Variants in CSMD2 observed in about 807,000 individuals in gnomAD.
CSMD2 encodes the protein CUB and sushi domain-containing protein 2.
In CSMD2, 130 loss-of-function variants were observed where a neutral mutation model predicts 398.5. That is an observed-to-expected ratio of 0.33 (90% CI 0.28 to 0.38). The LOEUF is 0.38. Among genes scored for constraint, CSMD2 ranks in the 10% least tolerant of loss-of-function variants. CSMD2 has a pLI of 1.00. For missense variants in CSMD2, 3,829 were observed against 4,764.9 expected (o/e 0.80, Z 5.78); for synonymous variants, 1,828 against 1,908.5 (o/e 0.96, Z 1.10).
At chr1:34,032,038 T>A (rs971206895) in intron 3 of CSMD2, among the ~76,000 whole-genome samples, 1 of 152,082 alleles carries the variant, frequency 6.6e-6, no homozygotes, top group Non-Finnish European at 1.5e-5. Context: ...AAGATATTAG[T>A]GTTAATTTGA....
At chr1:33,576,813 T>C (rs1426574696) in intron 49 of CSMD2, among the ~76,000 whole-genome samples, 1 of 152,146 alleles carries the variant, frequency 6.6e-6, no homozygotes, top group Non-Finnish European at 1.5e-5. Flanking sequence ...CGTTTTTTTT[T>C]TTCTTCTTCA....
chr1:33,894,263 C>G (rs892511322), intron 5 of CSMD2, among the ~76,000 whole-genome samples: 16 of 152,086 alleles, frequency 1.1e-4, no homozygotes, highest in African/African-American at 3.9e-4. Context: ...TTTTGATACA[C>G]GTACACCTGT....
At chr1:33,626,100 A>T (rs1314551588) in intron 33 of CSMD2, among the ~76,000 whole-genome samples, 1 of 152,166 alleles carries the variant, frequency 6.6e-6, no homozygotes, top group Non-Finnish European at 1.5e-5. Context: ...CGGCACTTCA[A>T]AGCCTGTGTT....
At chr1:33,630,299 T>C (rs1431983403) in intron 32 of CSMD2, among the ~76,000 whole-genome samples, 1 of 152,214 alleles carries the variant, frequency 6.6e-6, no homozygotes, top group Non-Finnish European at 1.5e-5. Flanking sequence ...TTTACACTCT[T>C]GGTTGGGTGT....
At chr1:34,037,012 G>A (rs567040520) in intron 2 of CSMD2, among the ~76,000 whole-genome samples, 1 of 152,126 alleles carries the variant, frequency 6.6e-6, no homozygotes, top group African/African-American at 2.4e-5. Flanking sequence ...CATATGCCCT[G>A]GGTCTGGGGA....
chr1:34,075,877 T>C (rs1226536953), intron 2 of CSMD2, among the ~76,000 whole-genome samples: 1 of 152,188 alleles, frequency 6.6e-6, no homozygotes. Flanking sequence ...GAAGGCTCTT[T>C]GTTCTTTTCT....
intron 56 of CSMD2, among the ~76,000 whole-genome samples, chr1:33,546,590 T>A (rs536746667): frequency 6.6e-6 from 1 of 152,348 alleles, no homozygotes; most frequent in African/African-American, 2.4e-5. Flanking sequence ...CCTGTGCCAC[T>A]GTCTTAGCTT....
At chr1:33,727,294 C>A (rs1646566989) in intron 15 of CSMD2, among the ~76,000 whole-genome samples, 1 of 152,206 alleles carries the variant, frequency 6.6e-6, no homozygotes, top group Non-Finnish European at 1.5e-5. Context: ...GGGAACTCCA[C>A]AGGACACTGG....
At chr1:34,006,618 G>A (rs1390102937) in intron 3 of CSMD2, among the ~76,000 whole-genome samples, 1 of 152,098 alleles carries the variant, frequency 6.6e-6, no homozygotes, top group Non-Finnish European at 1.5e-5. Context: ...TCTTACTTGT[G>A]AGCTCCTACA....
intron 5 of CSMD2, among the ~76,000 whole-genome samples, chr1:33,914,664 T>C (rs554725419): frequency 2.6e-5 from 4 of 152,312 alleles, no homozygotes; most frequent in East Asian, 1.9e-4. Context: ...TATTGTTGGA[T>C]TCCCAAAGGC....
intron 2 of CSMD2, among the ~76,000 whole-genome samples, chr1:34,062,593 C>A (rs1270836588): frequency 6.6e-6 from 1 of 152,098 alleles, no homozygotes. Flanking sequence ...GCAAGAGATC[C>A]CAAGGTGAGG....
chr1:33,986,298 C>A (rs144053537), intron 3 of CSMD2, among the ~76,000 whole-genome samples: 21 of 152,308 alleles, frequency 1.4e-4, no homozygotes, highest in African/African-American at 5.1e-4. Flanking sequence ...ACCTCTCCAG[C>A]GCTGCTGAAA....
intron 13 of CSMD2, among the ~76,000 whole-genome samples, chr1:33,767,792 G>A (rs935936752): frequency 2.0e-5 from 3 of 152,144 alleles, no homozygotes; most frequent in African/African-American, 7.2e-5. Flanking sequence ...GCTTCATACA[G>A]GTAACTCGGC....
chr1:34,119,703 T>G (rs956466097), intron 1 of CSMD2, among the ~76,000 whole-genome samples: 1 of 152,196 alleles, frequency 6.6e-6, no homozygotes, highest in Admixed American at 6.5e-5. Flanking sequence ...GAAATGAAAT[T>G]TAAGCCACCA....
intron 5 of CSMD2, chr1:33,864,753 T>C (rs1266001592): frequency 6.3e-7 from 1 of 1,595,736 alleles, no homozygotes; most frequent in Admixed American, 1.8e-5. Context: ...GCAGAGCTGA[T>C]GGATCCAGTT....
At chr1:33,672,657 C>T (rs1644547007) in intron 25 of CSMD2, among the ~76,000 whole-genome samples, 1 of 152,268 alleles carries the variant, frequency 6.6e-6, no homozygotes, top group African/African-American at 2.4e-5. Context: ...AATGGGCAGA[C>T]TGCCGCCTCA....
At chr1:33,562,019 G>GA (rs1045758858) in intron 53 of CSMD2, among the ~76,000 whole-genome samples, 1 of 151,896 alleles carries the variant, frequency 6.6e-6, no homozygotes, top group African/African-American at 2.4e-5. Context: ...TGTTAAAAAA[G>GA]AAAAAACCTA....
At chr1:33,806,157 T>C (rs958311050) in intron 10 of CSMD2, among the ~76,000 whole-genome samples, 10 of 152,166 alleles carry the variant, frequency 6.6e-5, no homozygotes, top group East Asian at 1.9e-4. Context: ...TCTGCACCCA[T>C]AGTGTGAAGG....
chr1:33,835,895 G>A (rs2358515), intron 6 of CSMD2, among the ~76,000 whole-genome samples: 119,503 of 152,080 alleles, frequency 0.79, 47,797 homozygotes, highest in East Asian at 0.94. Context: ...GCTTCGTTCC[G>A]TTGCTGGTGA....
Sources: allele counts gnomAD v4.1 joint callset (sites outside exome capture counted in the v4.1 genomes callset), GRCh38; gene constraint gnomAD v4.1.1; transcripts MANE v1.5; gene names NCBI Gene and HGNC (gene_info 2026-07-23, HGNC 2026-07-21).